Variants in PDGFRA observed in about 807,000 individuals in gnomAD.
PDGFRA encodes platelet-derived growth factor receptor alpha.
PDGFRA carries 25 observed loss-of-function variants against 121.5 expected under a neutral mutation model. That is an observed-to-expected ratio of 0.21 (90% CI 0.15 to 0.29). The LOEUF is 0.29. Among genes scored for constraint, PDGFRA ranks in the 10% least tolerant of loss-of-function variants. PDGFRA has a pLI of 1.00. For synonymous variants in PDGFRA, 463 were observed against 494.8 expected, an observed-to-expected ratio of 0.94 and a Z score of 0.85; for missense variants, 1,008 against 1,345.1, an observed-to-expected ratio of 0.75 and a Z score of 3.92.
chr4:54,278,826 C>G (rs760759130), intron 15 of PDGFRA: 2 of 517,720 alleles, frequency 3.9e-6, no homozygotes, highest in Non-Finnish European at 3.7e-6. Context: ...CAGCTCTGGC[C>G]AGGGATGCTT....
chr4:54,247,412 A>G (rs970169921), intron 1 of PDGFRA, among the ~76,000 whole-genome samples: 3 of 152,224 alleles, frequency 2.0e-5, no homozygotes, highest in Non-Finnish European at 4.4e-5. Context: ...AGGCTGGTTC[A>G]ATATACCCAA....
chr4:54,246,687 G>A (rs2110204427), intron 1 of PDGFRA, among the ~76,000 whole-genome samples: 1 of 151,902 alleles, frequency 6.6e-6, no homozygotes, highest in Non-Finnish European at 1.5e-5. Flanking sequence ...ACATTCAAAA[G>A]CTAGCAGAAG....
chr4:54,236,893 G>T (rs1288844206), intron 1 of PDGFRA, among the ~76,000 whole-genome samples: 2 of 152,184 alleles, frequency 1.3e-5, no homozygotes, highest in Non-Finnish European at 2.9e-5. Context: ...ATCAGAGATT[G>T]GGGTTTGGAA....
rs771661933 is a variant in PDGFRA, at chr4:54,285,415, C to T, written c.2368C>T (p.Leu790Phe). ...CCTTTCAGATGATAACTCAGAAGGC[C>T]TTACTTTATTGGATTTGTTGAGCTT... ...NLLSDDNSEG[L>F]TLLDLLSFTY... is the part of the protein sequence containing the mutation. The change falls in exon 17 of 23, where the codon CTT becomes TTT. Residue 790 changes from leucine to phenylalanine, a missense_variant. This residue lies in a region of PDGFRA where 128 missense variants were observed against 147.6 expected (regional missense o/e 0.87). Coordinates refer to ENST00000257290, the MANE Select transcript of PDGFRA (RefSeq NM_006206.6). The T allele has an allele frequency of 7.0e-6, 11 of 1,581,358 alleles. No homozygotes were observed. In the Admixed American group the frequency reaches 1.8e-4, roughly 26 times the overall value.
Position 54,290,281 on chromosome 4 carries a change from C to G in PDGFRA, c.2881-32C>G, listed in dbSNP as rs1053097005. 6 of 1,576,456 alleles carry G rather than the reference C, an allele frequency of 3.8e-6. No individual in the cohort carries two copies. The African/African-American group carries it at 6.7e-5, about 18-fold the overall frequency. On this transcript the variant is annotated intron_variant, in intron 21 of 22. Coordinates refer to ENST00000257290, the MANE Select transcript of PDGFRA (RefSeq NM_006206.6). ...CATTTTTGAGGTTTGGTTGTTAACA[C>G]TTGATTAAATATGTTCAATGAATGT...
chr4:54,234,492 T>C (rs1346455953), intron 1 of PDGFRA, among the ~76,000 whole-genome samples: 1 of 152,182 alleles, frequency 6.6e-6, no homozygotes, highest in Non-Finnish European at 1.5e-5. Context: ...CGGAGACCAT[T>C]AGGAAGGTGC....
At chr4:54,238,885 G>T (rs372973673) in intron 1 of PDGFRA, among the ~76,000 whole-genome samples, 1 of 152,128 alleles carries the variant, frequency 6.6e-6, no homozygotes, top group East Asian at 1.9e-4. Context: ...CAGTTGGGTG[G>T]CAGGCTGAGA....
At chr4:54,255,967 C>A (rs548589591) in intron 1 of PDGFRA, among the ~76,000 whole-genome samples, 11 of 152,300 alleles carry the variant, frequency 7.2e-5, no homozygotes, top group African/African-American at 2.6e-4. Flanking sequence ...ACTAGAGTGA[C>A]TTCATCTTGA....
At chr4:54,255,446 A>G (rs995541128) in intron 1 of PDGFRA, among the ~76,000 whole-genome samples, 4 of 151,382 alleles carry the variant, frequency 2.6e-5, no homozygotes, top group Non-Finnish European at 2.9e-5. Context: ...TGTTTAACCA[A>G]CCCAAACCCA....
chr4:54,241,479 TAA>T (rs1721293807), intron 1 of PDGFRA, among the ~76,000 whole-genome samples: 1 of 152,052 alleles, frequency 6.6e-6, no homozygotes, highest in African/African-American at 2.4e-5. Context: ...GAGAATTTAT[TAA>T]AATTTAGATG....
chr4:54,279,531 C>T (rs147453477), intron 15 of PDGFRA, among the ~76,000 whole-genome samples: 65 of 152,232 alleles, frequency 4.3e-4, no homozygotes, highest in African/African-American at 1.5e-3. Flanking sequence ...TTGTTTTTTA[C>T]ATTTCTTTTT....
At position 54,295,953 on chromosome 4, in the gene PDGFRA, T is replaced by C. The variant is rs1203579123; in HGVS notation, c.*681T>C. On this transcript the variant is annotated 3_prime_UTR_variant, in exon 23 of 23. Coordinates refer to ENST00000257290, the MANE Select transcript of PDGFRA (RefSeq NM_006206.6). ...ATAATACTACTACTGTTATCAGTAA[T>C]GCTAAATGTGTAATAATGTAACATG... 1 of 233,034 alleles carries C rather than the reference T, an allele frequency of 4.3e-6. No individual in the cohort carries two copies. Among genetic ancestry groups the C allele is most frequent in the African/African-American group, 2.2e-5 (1 of 45,336 alleles). The allele number at this position is 233,034 out of a possible 1,614,324, so 14.4% of individuals were successfully genotyped here.
At chr4:54,254,643 T>C (rs1722255174) in intron 1 of PDGFRA, among the ~76,000 whole-genome samples, 1 of 152,202 alleles carries the variant, frequency 6.6e-6, no homozygotes, top group Non-Finnish European at 1.5e-5. Context: ...CACGACGACA[T>C]CAAGCTGGCT....
chr4:54,238,518 A>G (rs1278851091), intron 1 of PDGFRA, among the ~76,000 whole-genome samples: 1 of 152,248 alleles, frequency 6.6e-6, no homozygotes, highest in East Asian at 1.9e-4. Context: ...AGAGGAGTTC[A>G]TACCAGAGTG....
At chr4:54,261,748 C>T (rs1722729847) in intron 3 of PDGFRA, among the ~76,000 whole-genome samples, 1 of 151,432 alleles carries the variant, frequency 6.6e-6, no homozygotes, top group African/African-American at 2.4e-5. Flanking sequence ...GTTGAGTACA[C>T]AAAAATTAAT....
Position 54,285,434 on chromosome 4 carries a change from T to C in PDGFRA, c.2387T>C (p.Leu796Ser), listed in dbSNP as rs2110335791. 1 of 1,584,578 alleles carries C rather than the reference T, an allele frequency of 6.3e-7. No individual in the cohort carries two copies. The highest frequency in any genetic ancestry group is 8.7e-7 in the Non-Finnish European group (1 of 1,153,118). Residue 796 changes from leucine to serine, a missense_variant, in exon 17 of 23, where the codon TTG becomes TCG. Leu to Ser is a moderately radical substitution (Grantham distance 145). Around this residue, in one of 5 missense-constraint regions of PDGFRA, gnomAD observed 128 missense variants for 147.6 expected, o/e 0.87. Transcript: ENST00000257290. ...NSEGLTLLDL[L>S]SFTYQVARGM... is the part of the protein sequence containing the mutation. ...GAAGGCCTTACTTTATTGGATTTGT[T>C]GAGCTTCACCTATCAAGTTGCCCGA...
chr4:54,277,058 G>A lies in PDGFRA; in HGVS notation c.1787-330G>A, dbSNP rs1215201723. 1.2e-4 allele frequency: 47 copies of A among 396,922 alleles called. No homozygotes were observed. The Admixed American group carries it at 1.7e-3, about 14-fold the overall frequency. 24.6% of individuals were successfully genotyped at this position (396,922 alleles called of 1,614,324 possible). ...AAGGGGAGAGAGCCAGGAGGTGTGG[G>A]TGAGAGCCCCGAAGGCAAGAGGATC... On this transcript the variant is annotated intron_variant, in intron 12 of 22. Transcript: ENST00000257290.
chr4:54,258,936 A>G (rs1722530700), intron 2 of PDGFRA, 119 bp downstream of exon 2: 1 of 836,314 alleles, frequency 1.2e-6, no homozygotes, highest in Non-Finnish European at 2.1e-6. Flanking sequence ...GAAAAGAAAT[A>G]GAAAACTATA....
At chr4:54,276,705 A>G (rs1723746801) in intron 12 of PDGFRA, 1 of 152,834 alleles carries the variant, frequency 6.5e-6, no homozygotes, top group African/African-American at 2.4e-5. Context: ...AGTGTCTTTT[A>G]TGAGCCAAGT....
Sources: gnomAD v4.1 joint callset for allele counts (sites outside exome capture counted in the v4.1 genomes callset) on GRCh38, gnomAD v4.1.1 for gene constraint, gnomAD v4.1.1 regional missense constraint, MANE v1.5 for transcripts, NCBI Gene and HGNC (gene_info 2026-07-23, HGNC 2026-07-21) for gene names.